DDX51: variants seen among roughly 807,000 people sequenced by gnomAD.
DDX51 encodes the protein ATP-dependent RNA helicase DDX51.
A neutral mutation model predicts 74.6 loss-of-function variants in DDX51; 67 were observed. The ratio of observed to expected loss-of-function variants is 0.90; its 90% CI spans 0.74 to 1.10. DDX51 has a LOEUF of 1.10. Among genes scored for constraint, DDX51 ranks in the 50% least tolerant of loss-of-function variants. DDX51 has a pLI of 0.00. For missense variants in DDX51, 1,056 were observed against 905.2 expected (o/e 1.17, Z -2.14); for synonymous variants, 545 against 402.9 (o/e 1.35, Z -4.22).
intron 10 of DDX51, 29 bp downstream of exon 10, chr12:132,140,591 C>G: frequency 6.2e-7 from 1 of 1,612,788 alleles, no homozygotes; most frequent in Non-Finnish European, 8.5e-7. Flanking sequence ...GAGGCCACCT[C>G]TGCCACCCCC....
At chr12:132,142,566 ACG>A in intron 3 of DDX51, 144 bp from the exon 4 acceptor site, 1 of 1,466,540 alleles carries the variant, frequency 6.8e-7, no homozygotes, top group East Asian at 2.4e-5. Flanking sequence ...GCCCAGAGGA[ACG>A]CCAGCCTCAG....
intron 14 of DDX51, 123 bp from the exon 15 acceptor site, chr12:132,139,421 G>C: frequency 1.3e-6 from 2 of 1,532,864 alleles, no homozygotes; most frequent in Middle Eastern, 3.6e-4. Flanking sequence ...ACCAGGCCCT[G>C]GCCCCGCTGA....
At chr12:132,141,749 G>A (rs1326587457) in intron 6 of DDX51, 101 bp downstream of exon 6, 15 of 1,469,958 alleles carry the variant, frequency 1.0e-5, no homozygotes, top group Admixed American at 7.4e-5. Context: ...GGGAACAGGT[G>A]GTTAAAGATG....
chr12:132,141,190 C>CTTAT lies in DDX51; in HGVS notation c.1250+81_1250+84dup, dbSNP rs1223213476. The stretch of plus-strand genomic sequence containing the variant: ...TCTGTGCACCAGAGCTCAAGCCACC[C>CTTAT]TTATCTCTGGGCATTAAGGAAGGAG... On this transcript the variant is annotated intron_variant, in intron 8 of 14. Transcript: ENST00000397333. 4.6e-6 allele frequency: 7 copies of CTTAT among 1,512,216 alleles called. No individual in the cohort carries two copies. In the Admixed American group the frequency reaches 1.3e-4, roughly 27 times the overall value. 93.7% of individuals were successfully genotyped at this position (1,512,216 alleles called of 1,614,324 possible). A position where few individuals can be genotyped will look rare whatever the true frequency, so the allele number is the denominator to read the frequency against.
rs1897350767 is a variant in DDX51 at position 132,139,033 on chromosome 12, G to T, written c.*239C>A. On this transcript the variant is annotated 3_prime_UTR_variant, in exon 15 of 15. Transcript: ENST00000397333. The stretch of plus-strand genomic sequence containing the variant: ...TTCACCGTTTTACTAAGGCTTCATT[G>T]CCCGCAGCCATCCTGACCTCCACAC... 1.8e-6 allele frequency: 1 copy of T among 550,360 alleles called. No homozygotes were observed. The highest frequency in any genetic ancestry group is 3.2e-6 in the Non-Finnish European group (1 of 312,970). 34.1% of individuals were successfully genotyped at this position (550,360 alleles called of 1,614,324 possible).
chr12:132,142,054 C>T (rs753711551), intron 5 of DDX51, 65 bp downstream of exon 5: 165 of 1,589,486 alleles, frequency 1.0e-4, no homozygotes, highest in African/African-American at 4.0e-5. Flanking sequence ...AGGGGCTGAT[C>T]GCTGTGCACT....
Position 132,143,732 on chromosome 12 carries a change from A to AGGCCGGG in DDX51, c.475_481dup (p.Leu161ProfsTer26). On this transcript the variant is annotated frameshift_variant, in exon 2 of 15. Transcript: ENST00000397333. LOFTEE classifies it high-confidence loss of function. The stretch of plus-strand genomic sequence containing the variant: ...CCTCTTCCCGAACCCCCCCAGCACC[A>AGGCCGGG]GGCCGGGGACCAGGGGTCCGGCCGC... 6.5e-7 allele frequency: 1 copy of AGGCCGGG among 1,534,594 alleles called. No homozygotes were observed. Among genetic ancestry groups the AGGCCGGG allele is most frequent in the Non-Finnish European group, 8.8e-7 (1 of 1,142,806 alleles).
chr12:132,144,063 G>A lies in DDX51; in HGVS notation c.234C>T (p.Asp78=), dbSNP rs766505971. The change falls in exon 1 of 15, where the codon GAC becomes GAT. Residue 78 remains aspartate, a synonymous_variant. Transcript: ENST00000397333. ...RRPRRRRRVN[D]AEPGSPEAPQ... is the part of the protein sequence containing the mutation. Reference sequence around the variant, plus strand: ...GCGCCTCCGGGCTCCCCGGCTCCGCGTCGTTCACCCGCCGCCGCCGCCGGG... The same window carrying A: ...GCGCCTCCGGGCTCCCCGGCTCCGCATCGTTCACCCGCCGCCGCCGCCGGG... 2 of 1,262,788 alleles carry A rather than the reference G, an allele frequency of 1.6e-6. No homozygotes were observed. The highest frequency in any genetic ancestry group is 3.0e-5 in the South Asian group (1 of 33,424). The allele number at this position is 1,262,788 out of a possible 1,614,324, so 78.2% of individuals were successfully genotyped here.
intron 1 of DDX51, 36 bp from the exon 2 acceptor site, chr12:132,143,945 A>G (rs1392140563): frequency 2.7e-6 from 4 of 1,474,650 alleles, no homozygotes; most frequent in South Asian, 1.3e-5. Flanking sequence ...GCGCGTCAGC[A>G]CCGAGTCGCC....
Position 132,142,944 on chromosome 12 carries a change from G to A in DDX51, c.520-66C>T. On this transcript the variant is annotated intron_variant, in intron 2 of 14. Transcript: ENST00000397333. ...AGGCTCTCGCGCAGAAGCCCACGGT[G>A]GAAAAAGCTAGGGGAGGGAGGCTGG... 4 of 1,601,832 alleles carry A rather than the reference G, an allele frequency of 2.5e-6. No homozygotes were observed. The South Asian group carries it at 3.3e-5, about 13-fold the overall frequency.
At chr12:132,142,965 G>A (rs532481784) in intron 2 of DDX51, 87 bp from the exon 3 acceptor site, 3 of 1,575,540 alleles carry the variant, frequency 1.9e-6, no homozygotes, top group African/African-American at 1.3e-5. Context: ...GGGGAGGGAG[G>A]CTGGGGAAAC....
At position 132,139,130 on chromosome 12, in the gene DDX51, G is replaced by T; in HGVS notation, c.*142C>A. On this transcript the variant is annotated 3_prime_UTR_variant, in exon 15 of 15. Transcript: ENST00000397333. ...AGCTCTGACGCCCGGGCTGCCTGGC[G>T]CAGAGACCACGTGCTTGGGGAGGAA... is the stretch of plus-strand genomic sequence containing the variant. 7.7e-7 allele frequency: 1 copy of T among 1,303,940 alleles called. No individual in the cohort carries two copies. The highest frequency in any genetic ancestry group is 1.0e-6 in the Non-Finnish European group (1 of 952,522). 80.8% of individuals were successfully genotyped at this position (1,303,940 alleles called of 1,614,324 possible). A position where few individuals can be genotyped will look rare whatever the true frequency, so the allele number is the denominator to read the frequency against.
Position 132,143,901 on chromosome 12 carries a change from C to G in DDX51, c.313G>C (p.Glu105Gln). Reference sequence around the variant, plus strand: ...GCGCTGGGCTCCCCTGGCGCCTCCTCGTTGCTTTCTGCGAGGCAGACACCC... The same window carrying G: ...GCGCTGGGCTCCCCTGGCGCCTCCTGGTTGCTTTCTGCGAGGCAGACACCC... ...DGEDAGAESN[E>Q]EAPGEPSAGS... Residue 105 changes from glutamate (E) to glutamine (Q), a missense_variant, in exon 2 of 15, where the codon GAG (glutamate) becomes CAG (glutamine). Physicochemically the swap from Glu to Gln is conservative, Grantham distance 29. Coordinates refer to ENST00000397333, the MANE Select transcript of DDX51 (RefSeq NM_175066.4). 1 of 1,518,854 alleles carries G rather than the reference C, an allele frequency of 6.6e-7. No homozygotes were observed. Among genetic ancestry groups the G allele is most frequent in the Non-Finnish European group, 8.8e-7 (1 of 1,141,134 alleles). 94.1% of individuals were successfully genotyped at this position (1,518,854 alleles called of 1,614,324 possible). A position where few individuals can be genotyped will look rare whatever the true frequency, so the allele number is the denominator to read the frequency against.
Position 132,141,650 on chromosome 12 carries a change from G to A in DDX51, c.996-44C>T, listed in dbSNP as rs746476798. ...CTCGAGAGAAGGAAGCTTTCTCAAG[G>A]GCTTCCGGATAGCAAGACGCTGCCT... On this transcript the variant is annotated intron_variant, in intron 6 of 14. Coordinates refer to ENST00000397333, the MANE Select transcript of DDX51 (RefSeq NM_175066.4). 11 of 1,535,188 alleles carry A rather than the reference G, an allele frequency of 7.2e-6. No homozygotes were observed. In the Admixed American group the frequency reaches 1.0e-4, roughly 14 times the overall value.
chr12:132,140,625 G>A lies in DDX51; in HGVS notation c.1551C>T (p.Ser517=), dbSNP rs778409181. The A allele has an allele frequency of 3.1e-6, 5 of 1,612,912 alleles. No homozygotes were observed. In the East Asian group the frequency reaches 1.1e-4, roughly 36 times the overall value. Residue 517 remains serine, a synonymous_variant, in exon 10 of 15, where the codon TCC becomes TCT. Transcript: ENST00000397333. ...CCGCCCAGCCGGGGCCTCACCTGTGGGAGTTCTCTCGGGAGTTAGTGAAGC... is the reference window on the plus strand; with the variant it reads ...CCGCCCAGCCGGGGCCTCACCTGTGAGAGTTCTCTCGGGAGTTAGTGAAGC... ...VLCFTNSREN[S]HRLFLLVQAF... is the part of the protein sequence containing the mutation.
Position 132,139,952 on chromosome 12 carries a change from C to G in DDX51, c.1776-28G>C, listed in dbSNP as rs548387793. ...GGAATCAAACGCAGCTATCTCCAGACTGGCCCCTGAGCCTTCAAGAGTCTG... is the reference window on the plus strand; with the variant it reads ...GGAATCAAACGCAGCTATCTCCAGAGTGGCCCCTGAGCCTTCAAGAGTCTG... On this transcript the variant is annotated intron_variant, in intron 12 of 14. Transcript: ENST00000397333. The G allele has an allele frequency of 4.3e-6, 7 of 1,612,686 alleles. No homozygotes were observed. The African/African-American group carries it at 5.3e-5, about 12-fold the overall frequency.
Position 132,140,635 on chromosome 12 carries a change from C to T in DDX51, c.1541G>A (p.Arg514Gln), listed in dbSNP as rs370006300. ...GGGGCCTCACCTGTGGGAGTTCTCT[C>T]GGGAGTTAGTGAAGCAGAGAACCCT... ...FSRVLCFTNS[R>Q]ENSHRLFLLV... The change falls in exon 10 of 15, where the codon CGA becomes CAA. Residue 514 changes from arginine to glutamine, a missense_variant. Physicochemically the swap from Arg to Gln is conservative, Grantham distance 43 (BLOSUM62 1). Coordinates refer to ENST00000397333, the MANE Select transcript of DDX51 (RefSeq NM_175066.4). The T allele has an allele frequency of 3.3e-5, 53 of 1,612,770 alleles. No individual in the cohort carries two copies. The highest frequency in any genetic ancestry group is 1.3e-4 in the South Asian group (12 of 91,086).
At position 132,141,278 on chromosome 12, in the gene DDX51, G is replaced by C; in HGVS notation, c.1247C>G (p.Ala416Gly). 6.3e-7 allele frequency: 1 copy of C among 1,590,178 alleles called. No homozygotes were observed. Among genetic ancestry groups the C allele is most frequent in the Non-Finnish European group, 8.5e-7 (1 of 1,173,884 alleles). Reference sequence around the variant, plus strand: ...ACCTGGGCGTGCTGCTGGATACCTGGCGGCTGTCACAGCCTGGGCCTGCCT... The same window carrying C: ...ACCTGGGCGTGCTGCTGGATACCTGCCGGCTGTCACAGCCTGGGCCTGCCT... ...QRRQAQAVTA[A>G]STCCPQMPLQ... The change falls in exon 8 of 15, where the codon GCC becomes GGC. Residue 416 changes from alanine (A) to glycine (G), a missense_variant. Physicochemically the swap from Ala to Gly is moderately conservative, Grantham distance 60 (BLOSUM62 0). Transcript: ENST00000397333.
Position 132,143,657 on chromosome 12 carries a change from C to T in DDX51, c.519+38G>A, listed in dbSNP as rs765884859. ...CACTTAAGAATCCGCGCAGCCTACC[C>T]TCTCACGCCGACCACCCTCCCGCCC... On this transcript the variant is annotated intron_variant, in intron 2 of 14. Coordinates refer to ENST00000397333, the MANE Select transcript of DDX51 (RefSeq NM_175066.4). The T allele has an allele frequency of 3.9e-6, 6 of 1,534,626 alleles. No homozygotes were observed. The African/African-American group carries it at 6.9e-5, about 18-fold the overall frequency.
Sources: gnomAD v4.1 joint callset for allele counts on GRCh38, gnomAD v4.1.1 for gene constraint, MANE v1.5 for transcripts, NCBI Gene and HGNC (gene_info 2026-07-23, HGNC 2026-07-21) for gene names.